Variants in PRKN observed in about 807,000 individuals in gnomAD.
PRKN encodes the protein parkin RBR E3 ubiquitin protein ligase.
Under a neutral mutation model 59.5 loss-of-function variants are expected in PRKN, and 56 were observed. The observed-to-expected ratio is 0.94, with a 90% CI of 0.76 to 1.18. The LOEUF (loss-of-function observed/expected upper bound fraction) is 1.18. PRKN is among the 50% of genes most tolerant of loss of function. PRKN has a pLI of 0.00. For missense variants in PRKN, 657 were observed against 596.4 expected (o/e 1.10, Z -1.06); for synonymous variants, 250 against 222.1 (o/e 1.13, Z -1.12).
At chr6:161,690,217 G>A (rs1785728385) in intron 7 of PRKN, among the ~76,000 whole-genome samples, 1 of 152,128 alleles carries the variant, frequency 6.6e-6, no homozygotes, top group Non-Finnish European at 1.5e-5. Context: ...TTACTGTCTT[G>A]TCTTTGCCTT....
At chr6:161,850,123 G>A (rs983416772) in intron 6 of PRKN, among the ~76,000 whole-genome samples, 2 of 152,068 alleles carry the variant, frequency 1.3e-5, no homozygotes, top group African/African-American at 4.8e-5. Context: ...ACTGGACACT[G>A]GCTAGTCACA....
chr6:161,431,138 C>CA (rs142701766), intron 9 of PRKN, among the ~76,000 whole-genome samples: 3,825 of 137,766 alleles, frequency 0.028, 86 homozygotes, highest in Admixed American at 0.051. Flanking sequence ...GACTCTGTCT[C>CA]AAAAAAAAAA....
chr6:162,657,022 G>T (rs763694204), intron 1 of PRKN, among the ~76,000 whole-genome samples: 6 of 152,134 alleles, frequency 3.9e-5, no homozygotes, highest in Non-Finnish European at 7.3e-5. Context: ...CTGCCAACTT[G>T]CCATAAGTTT....
intron 4 of PRKN, among the ~76,000 whole-genome samples, chr6:162,179,968 C>CGTGTGTGTG (rs1783720842): frequency 7.2e-6 from 1 of 139,724 alleles, no homozygotes; most frequent in Non-Finnish European, 1.5e-5. Context: ...TATCTTATTA[C>CGTGTGTGTG]TGTGTGTGTG....
chr6:162,222,904 G>T (rs1440029511), intron 3 of PRKN, among the ~76,000 whole-genome samples: 3 of 151,864 alleles, frequency 2.0e-5, no homozygotes, highest in East Asian at 3.9e-4. Flanking sequence ...ACAATGTGCA[G>T]GTTAGTTACA....
intron 1 of PRKN, among the ~76,000 whole-genome samples, chr6:162,549,539 G>A (rs1012468387): frequency 1.1e-4 from 16 of 152,006 alleles, no homozygotes; most frequent in African/African-American, 3.6e-4. Flanking sequence ...TTCTACACAC[G>A]TTTGCAAAGA....
intron 7 of PRKN, among the ~76,000 whole-genome samples, chr6:161,749,043 A>AG: frequency 6.6e-6 from 1 of 152,280 alleles, no homozygotes; most frequent in Non-Finnish European, 1.5e-5. Flanking sequence ...GGCAAAACCA[A>AG]GGGGAGGGGG....
rs1554243402 is a variant in PRKN, at chr6:162,556,362, T to TGTGTGTGTGTGTGTGTGC, written c.8-112890_8-112889insGCACACACACACACACAC. 3.1e-3 allele frequency among the ~76,000 whole-genome samples: 271 copies of TGTGTGTGTGTGTGTGTGC among 86,320 alleles called. 4 individuals are homozygous for TGTGTGTGTGTGTGTGTGC. Among genetic ancestry groups the TGTGTGTGTGTGTGTGTGC allele is most frequent in the African/African-American group, 9.4e-3 (257 of 27,426 alleles). 56.6% of individuals were successfully genotyped at this position (86,320 alleles called of 152,430 possible). A position where few individuals can be genotyped will look rare whatever the true frequency, so the allele number is the denominator to read the frequency against. On this transcript the variant is annotated intron_variant, in intron 1 of 11. Coordinates refer to ENST00000366898, the MANE Select transcript of PRKN (RefSeq NM_004562.3). ...CAGCTGGTGTGTGTGTGTGTGTGTG[T>TGTGTGTGTGTGTGTGTGC]GTGTGTGTGTGTGTGTGTGTGTGTG...
At chr6:161,591,406 A>C (rs1353557345) in intron 7 of PRKN, among the ~76,000 whole-genome samples, 1 of 152,256 alleles carries the variant, frequency 6.6e-6, no homozygotes, top group African/African-American at 2.4e-5. Flanking sequence ...CGAACAGCAC[A>C]GCCAGCTATA....
At chr6:161,653,571 T>G (rs907849506) in intron 7 of PRKN, among the ~76,000 whole-genome samples, 3 of 152,326 alleles carry the variant, frequency 2.0e-5, no homozygotes, top group African/African-American at 7.2e-5. Context: ...TGTAGTTCCC[T>G]CTAGGAACTT....
chr6:162,719,569 G>A (rs1167616632), intron 1 of PRKN, among the ~76,000 whole-genome samples: 1 of 152,116 alleles, frequency 6.6e-6, no homozygotes, highest in African/African-American at 2.4e-5. Flanking sequence ...ATCAGGACTG[G>A]ATTTGCCTGG....
At chr6:161,942,716 A>C (rs1315484671) in intron 6 of PRKN, among the ~76,000 whole-genome samples, 2 of 152,158 alleles carry the variant, frequency 1.3e-5, no homozygotes, top group Non-Finnish European at 1.5e-5. Flanking sequence ...ACATCAACAG[A>C]GTAAATGGGA....
At chr6:161,962,695 C>T (rs1301706487) in intron 6 of PRKN, among the ~76,000 whole-genome samples, 1 of 152,000 alleles carries the variant, frequency 6.6e-6, no homozygotes, top group Admixed American at 6.5e-5. Context: ...CACCACCATG[C>T]CTGGCTAATT....
At chr6:161,707,772 C>T in intron 7 of PRKN, among the ~76,000 whole-genome samples, 1 of 152,234 alleles carries the variant, frequency 6.6e-6, no homozygotes, top group African/African-American at 2.4e-5. Flanking sequence ...TGCAATTTGA[C>T]AGCAGACCAG....
chr6:162,014,460 C>A (rs1213889555), intron 5 of PRKN, among the ~76,000 whole-genome samples: 1 of 152,168 alleles, frequency 6.6e-6, no homozygotes, highest in East Asian at 1.9e-4. Context: ...CATGCTTCCT[C>A]ACTGTGACTC....
rs1052461923 is a variant in PRKN, at chr6:161,399,109, G to C, written c.1084-12232C>G. On this transcript the variant is annotated intron_variant, in intron 9 of 11. Transcript: ENST00000366898. This position sits in a 1 kb window ranked among gnomAD's most constrained non-coding sequence, Gnocchi z 4.4. ...GTCGAGAGGAGTTCTGCTGCAGACA[G>C]TTAGAGAGGAGATTGGCTGCTGGAC... 1.3e-5 allele frequency among the ~76,000 whole-genome samples: 2 copies of C among 152,154 alleles called. No homozygotes were observed. The highest frequency in any genetic ancestry group is 6.5e-5 in the Admixed American group (1 of 15,278).
chr6:161,682,098 G>A (rs944832117), intron 7 of PRKN, among the ~76,000 whole-genome samples: 2 of 152,324 alleles, frequency 1.3e-5, no homozygotes, highest in African/African-American at 2.4e-5. Context: ...CGCTCTGCAC[G>A]CACTGGGCTC....
intron 6 of PRKN, among the ~76,000 whole-genome samples, chr6:161,906,257 G>T (rs993839265): frequency 6.6e-6 from 1 of 152,192 alleles, no homozygotes; most frequent in African/African-American, 2.4e-5. Context: ...TTGCATGGAA[G>T]ATAACAATTT....
intron 9 of PRKN, among the ~76,000 whole-genome samples, chr6:161,416,958 G>C (rs1272758505): frequency 6.6e-6 from 1 of 152,154 alleles, no homozygotes; most frequent in East Asian, 1.9e-4. Flanking sequence ...TAAAGCTCTG[G>C]AATGAGGTAC....
Sources: allele counts gnomAD v4.1 joint callset (sites outside exome capture counted in the v4.1 genomes callset), GRCh38; gene constraint gnomAD v4.1.1; non-coding constraint Gnocchi (gnomAD v3.1); transcripts MANE v1.5; gene names NCBI Gene and HGNC (gene_info 2026-07-23, HGNC 2026-07-21).